NNT: variants seen among roughly 807,000 people sequenced by gnomAD.
NNT encodes the protein NAD(P) transhydrogenase, mitochondrial.
A neutral mutation model predicts 104.8 loss-of-function variants in NNT; 50 were observed. The ratio of observed to expected loss-of-function variants is 0.48; its 90% CI spans 0.38 to 0.60. The LOEUF is 0.60. Ranked by LOEUF, NNT falls within the 20% of genes least tolerant of loss-of-function variation. The pLI is 0.00. For synonymous variants in NNT, 461 were observed against 490.4 expected (o/e 0.94, Z 0.79); for missense variants, 1,131 against 1,330.7 (o/e 0.85, Z 2.33).
At chr5:43,678,399 A>G (rs1054296054) in intron 19 of NNT, among the ~76,000 whole-genome samples, 5 of 152,258 alleles carry the variant, frequency 3.3e-5, no homozygotes, top group Non-Finnish European at 7.3e-5. Context: ...TTCTGGTCTT[A>G]GTCTTACTAT....
chr5:43,621,613 C>T (rs1039701650), intron 5 of NNT, among the ~76,000 whole-genome samples: 1 of 151,620 alleles, frequency 6.6e-6, no homozygotes, highest in Non-Finnish European at 1.5e-5. Context: ...GTTTTCACTC[C>T]AGGCTGATCT....
intron 17 of NNT, among the ~76,000 whole-genome samples, chr5:43,665,967 G>A (rs555879422): frequency 3.0e-4 from 45 of 152,102 alleles, no homozygotes; most frequent in African/African-American, 9.6e-4. Context: ...GTCGCGCCCC[G>A]GCAGAGGCGC....
At chr5:43,675,443 C>T in intron 17 of NNT, 68 bp from the exon 18 acceptor site, 1 of 1,322,016 alleles carries the variant, frequency 7.6e-7, no homozygotes. Flanking sequence ...ATCATATACA[C>T]AACATTTGTA....
intron 9 of NNT, among the ~76,000 whole-genome samples, chr5:43,645,074 C>T (rs1364413767): frequency 6.6e-6 from 1 of 152,042 alleles, no homozygotes; most frequent in Non-Finnish European, 1.5e-5. Context: ...ATTAAACATT[C>T]CCCCCACTTA....
intron 2 of NNT, among the ~76,000 whole-genome samples, chr5:43,611,357 TG>T (rs1227268021): frequency 6.6e-6 from 1 of 152,204 alleles, no homozygotes; most frequent in Admixed American, 6.5e-5. Context: ...ATCTCTTATT[TG>T]GTCAGTGGAA....
chr5:43,643,702 G>A (rs1362017680), intron 7 of NNT, among the ~76,000 whole-genome samples: 3 of 152,176 alleles, frequency 2.0e-5, no homozygotes, highest in African/African-American at 7.2e-5. Context: ...AATATGATGT[G>A]TTAGAAAATC....
intron 2 of NNT, among the ~76,000 whole-genome samples, chr5:43,610,758 A>T (rs1183817558): frequency 6.6e-6 from 1 of 152,184 alleles, no homozygotes; most frequent in Non-Finnish European, 1.5e-5. Context: ...TTGCTCTGGA[A>T]AGCCAGATTA....
At chr5:43,621,106 G>T (rs569700254) in intron 5 of NNT, among the ~76,000 whole-genome samples, 1 of 152,318 alleles carries the variant, frequency 6.6e-6, no homozygotes, top group East Asian at 1.9e-4. Flanking sequence ...TCTTTTATTT[G>T]GATTTCCTTT....
At position 43,628,381 on chromosome 5, in the gene NNT, A is replaced by G. The variant is rs200849046; in HGVS notation, c.958A>G (p.Ile320Val). ...EVDILISTAL[I>V]PGKKAPVLFN... ...AGACATCCTTATCAGCACAGCACTT[A>G]TTCCAGGTATGCCATTAAGTAAACG... The change falls in exon 7 of 22, where the codon ATT becomes GTT. Residue 320 changes from isoleucine (I) to valine (V), a missense_variant. Coordinates refer to ENST00000344920, the MANE Select transcript of NNT (RefSeq NM_182977.3). 72 of 1,592,122 alleles carry G rather than the reference A, an allele frequency of 4.5e-5. No homozygotes were observed. The East Asian group carries it at 1.6e-3, about 35-fold the overall frequency.
intron 7 of NNT, among the ~76,000 whole-genome samples, chr5:43,635,403 A>G (rs1750881190): frequency 6.6e-6 from 1 of 152,172 alleles, no homozygotes; most frequent in African/African-American, 2.4e-5. Context: ...ATGGAAGGCC[A>G]GGAAGTGGTA....
At chr5:43,639,180 AAGCAGAACTTAGTTTTTCTAGC>A (rs1375276490) in intron 7 of NNT, among the ~76,000 whole-genome samples, 17 of 152,170 alleles carry the variant, frequency 1.1e-4, no homozygotes, top group Admixed American at 7.2e-4. Flanking sequence ...AAAAACAAAA[AAGCAGAACTTAGTTTTTCTAGC>A]AGCTCCTTAT....
At chr5:43,647,883 C>T (rs749240218) in intron 10 of NNT, 33 of 452,982 alleles carry the variant, frequency 7.3e-5, no homozygotes, top group South Asian at 4.8e-4. Context: ...TTATTTTTTA[C>T]AAGAATTCAG....
At chr5:43,611,326 T>C (rs995080627) in intron 2 of NNT, among the ~76,000 whole-genome samples, 1 of 152,202 alleles carries the variant, frequency 6.6e-6, no homozygotes, top group Non-Finnish European at 1.5e-5. Context: ...AGTTTCTCTG[T>C]CCCTTGTATG....
chr5:43,638,235 C>A (rs1212727953), intron 7 of NNT, among the ~76,000 whole-genome samples: 1 of 152,124 alleles, frequency 6.6e-6, no homozygotes, highest in African/African-American at 2.4e-5. Flanking sequence ...CAATTAAACC[C>A]CTTTCATTTA....
At chr5:43,702,597 T>C in intron 20 of NNT, 24 bp from the exon 21 acceptor site, 2 of 1,445,980 alleles carry the variant, frequency 1.4e-6, no homozygotes, top group Non-Finnish European at 9.5e-7. Flanking sequence ...TTTTATATTC[T>C]TTCTTTTTTG....
At chr5:43,604,489 T>A (rs1250888581) in intron 1 of NNT, among the ~76,000 whole-genome samples, 1 of 152,182 alleles carries the variant, frequency 6.6e-6, no homozygotes, top group Non-Finnish European at 1.5e-5. Flanking sequence ...TCAAAGGAAA[T>A]TTTCCGAAAA....
At chr5:43,628,867 G>A (rs1051665432) in intron 7 of NNT, among the ~76,000 whole-genome samples, 12 of 151,812 alleles carry the variant, frequency 7.9e-5, no homozygotes, top group African/African-American at 2.9e-4. Flanking sequence ...GATTACAGGC[G>A]TGAGTTACCA....
At chr5:43,652,691 G>A (rs1343832342) in intron 13 of NNT, among the ~76,000 whole-genome samples, 1 of 152,070 alleles carries the variant, frequency 6.6e-6, no homozygotes, top group African/African-American at 2.4e-5. Context: ...TTTCCCTCTT[G>A]TGGATCTCAT....
intron 6 of NNT, among the ~76,000 whole-genome samples, chr5:43,624,426 A>G (rs1322928714): frequency 6.6e-6 from 1 of 152,234 alleles, no homozygotes; most frequent in Non-Finnish European, 1.5e-5. Flanking sequence ...TAGTTAGGGC[A>G]TAAACAAAGA....
Sources: gnomAD v4.1 joint callset for allele counts (sites outside exome capture counted in the v4.1 genomes callset) on GRCh38, gnomAD v4.1.1 for gene constraint, MANE v1.5 for transcripts, NCBI Gene and HGNC (gene_info 2026-07-23, HGNC 2026-07-21) for gene names.